CEP128: variants seen among roughly 807,000 people sequenced by gnomAD.
CEP128 encodes the protein centrosomal protein 128kDa.
In CEP128, 132 loss-of-function variants were observed where a neutral mutation model predicts 156.7. That is an observed-to-expected ratio of 0.84 (90% CI 0.73 to 0.97). CEP128 has a LOEUF of 0.97. CEP128 is among the 50% of genes least tolerant of loss of function. The pLI is 0.00. For synonymous variants in CEP128, 469 were observed against 448.9 expected, an observed-to-expected ratio of 1.04 and a Z score of -0.57; for missense variants, 1,252 against 1,281.9, an observed-to-expected ratio of 0.98 and a Z score of 0.36.
intron 19 of CEP128, among the ~76,000 whole-genome samples, chr14:80,727,413 T>A (rs776006648): frequency 6.6e-6 from 1 of 152,048 alleles, no homozygotes; most frequent in Non-Finnish European, 1.5e-5. Flanking sequence ...AGGCCAAATC[T>A]TAATGCAATA....
chr14:80,506,780 G>T (rs570585676), intron 23 of CEP128, among the ~76,000 whole-genome samples: 1 of 152,136 alleles, frequency 6.6e-6, no homozygotes, highest in South Asian at 2.1e-4. Context: ...TATATTTTGA[G>T]CCAAAGGCAC....
chr14:80,752,094 C>G (rs935360336), intron 18 of CEP128, among the ~76,000 whole-genome samples: 12 of 151,852 alleles, frequency 7.9e-5, no homozygotes, highest in Admixed American at 7.9e-4. Context: ...AGAAATGACT[C>G]AAAGCTAAAA....
At chr14:80,955,627 C>T in intron 2 of CEP128, 13 of 1,608,614 alleles carry the variant, frequency 8.1e-6, no homozygotes, top group Non-Finnish European at 1.1e-5. Context: ...AGGTGCAGAG[C>T]TGAGAATGAG....
intron 19 of CEP128, among the ~76,000 whole-genome samples, chr14:80,586,914 T>C (rs187155032): frequency 2.6e-5 from 4 of 152,330 alleles, no homozygotes; most frequent in African/African-American, 2.4e-5. Flanking sequence ...TGAATAAAGG[T>C]ATAACAATAT....
chr14:80,840,645 C>T (rs1886306366), intron 10 of CEP128, 37 bp downstream of exon 10: 2 of 1,365,840 alleles, frequency 1.5e-6, no homozygotes, highest in African/African-American at 1.4e-5. Context: ...GGCCCCAAAC[C>T]ACTTTATTCT....
At chr14:80,718,932 A>C (rs985767818) in intron 19 of CEP128, among the ~76,000 whole-genome samples, 6 of 152,114 alleles carry the variant, frequency 3.9e-5, no homozygotes, top group Non-Finnish European at 7.3e-5. Context: ...CTTCACATGA[A>C]ATATGGTTTC....
intron 19 of CEP128, among the ~76,000 whole-genome samples, chr14:80,660,226 C>T (rs966450912): frequency 1.4e-4 from 21 of 152,136 alleles, no homozygotes; most frequent in African/African-American, 5.1e-4. Context: ...ATTTAAATAA[C>T]AGGACAGAGC....
At chr14:80,620,357 CTAGAACTG>C (rs1270924985) in intron 19 of CEP128, among the ~76,000 whole-genome samples, 1 of 151,992 alleles carries the variant, frequency 6.6e-6, no homozygotes, top group Non-Finnish European at 1.5e-5. Flanking sequence ...AAAAAATCTT[CTAGAACTG>C]TAATCCTAGG....
In CEP128 at chr14:80,900,802, G is replaced by A. The variant is rs576578557; in HGVS notation, c.481-773C>T. On this transcript the variant is annotated intron_variant, in intron 6 of 24. Transcript: ENST00000555265. ...AGTAGTATCCCATAAATAAGATGTAGGTAGTAAAAATTAAAAAAGTAAAAA... is the reference window on the plus strand; with the variant it reads ...AGTAGTATCCCATAAATAAGATGTAAGTAGTAAAAATTAAAAAAGTAAAAA... 3.9e-5 allele frequency among the ~76,000 whole-genome samples: 6 copies of A among 152,128 alleles called. No individual in the cohort carries two copies. In the South Asian group the frequency reaches 1.2e-3, roughly 32 times the overall value.
intron 19 of CEP128, among the ~76,000 whole-genome samples, chr14:80,696,901 G>A (rs1896910899): frequency 6.6e-6 from 1 of 151,850 alleles, no homozygotes; most frequent in Non-Finnish European, 1.5e-5. Context: ...GCTGTGTTGT[G>A]ACAGAACAGA....
rs1332105590 is a variant in CEP128 at position 80,831,294 on chromosome 14, C to T, written c.1058G>A (p.Gly353Glu). Residue 353 changes from glycine to glutamate, a missense_variant and splice_region_variant, in exon 13 of 25, where the codon GGG becomes GAG. Physicochemically the swap from Gly to Glu is moderately conservative, Grantham distance 98 (BLOSUM62 -2). Transcript: ENST00000555265. The part of the protein sequence containing the change: ...EQGEDWRFRR[G>E]VEREKQDLEK... ...CAGGTCCTGTTTTTCCCGCTCAACCCCTTAAAAGATAAAATGTAAGGCTCA... is the reference window on the plus strand; with the variant it reads ...CAGGTCCTGTTTTTCCCGCTCAACCTCTTAAAAGATAAAATGTAAGGCTCA... 1 of 1,613,748 alleles carries T rather than the reference C, an allele frequency of 6.2e-7. No homozygotes were observed. The highest frequency in any genetic ancestry group is 1.1e-5 in the South Asian group (1 of 91,048).
rs962125875 is a variant in CEP128, at chr14:80,822,813, A to G, written c.1209+8330T>C. On this transcript the variant is annotated intron_variant, in intron 13 of 24. Coordinates refer to ENST00000555265, the MANE Select transcript of CEP128 (RefSeq NM_152446.5). ...GCCAAGTGAAGTGTGTGCATTTTTG[A>G]TAACTGTGTAAACTTCTGTTGACTG... The G allele has an allele frequency of 3.1e-4, 233 of 740,744 alleles. 1 individual carries two copies. Among genetic ancestry groups the G allele is most frequent in the Non-Finnish European group, 2.6e-4 (104 of 399,536 alleles). 45.9% of individuals were successfully genotyped at this position (740,744 alleles called of 1,614,324 possible).
chr14:80,509,784 T>C (rs1458663283), intron 23 of CEP128, among the ~76,000 whole-genome samples: 2 of 152,196 alleles, frequency 1.3e-5, no homozygotes, highest in Non-Finnish European at 2.9e-5. Context: ...TTAATCCATT[T>C]TGATTTGAAT....
intron 23 of CEP128, among the ~76,000 whole-genome samples, chr14:80,508,833 A>T (rs955244059): frequency 6.6e-6 from 1 of 152,222 alleles, no homozygotes; most frequent in Non-Finnish European, 1.5e-5. Flanking sequence ...ATTTTGATAC[A>T]GGCATACAGA....
At chr14:80,743,674 A>G (rs1898949566) in intron 18 of CEP128, among the ~76,000 whole-genome samples, 1 of 152,134 alleles carries the variant, frequency 6.6e-6, no homozygotes, top group Non-Finnish European at 1.5e-5. Context: ...AAAAGATAAA[A>G]TTCCTAGCAT....
At chr14:80,659,675 G>A (rs1895317405) in intron 19 of CEP128, among the ~76,000 whole-genome samples, 1 of 152,090 alleles carries the variant, frequency 6.6e-6, no homozygotes. Flanking sequence ...CCTTAACAAT[G>A]CATTTATATT....
chr14:80,631,172 AC>A (rs779165695), intron 19 of CEP128, among the ~76,000 whole-genome samples: 12 of 151,964 alleles, frequency 7.9e-5, no homozygotes, highest in Non-Finnish European at 1.3e-4. Flanking sequence ...CAAATTAGCC[AC>A]CATCTCCATT....
chr14:80,529,061 T>C (rs141663537), intron 22 of CEP128, among the ~76,000 whole-genome samples: 2 of 152,296 alleles, frequency 1.3e-5, no homozygotes, highest in African/African-American at 4.8e-5. Flanking sequence ...CTCTGCTGTT[T>C]TACACAGAAT....
intron 20 of CEP128, among the ~76,000 whole-genome samples, chr14:80,562,365 A>C (rs1451947287): frequency 1.3e-5 from 2 of 152,112 alleles, no homozygotes; most frequent in Non-Finnish European, 2.9e-5. Flanking sequence ...TCAATATGCC[A>C]ATCAACAATA....
Sources: allele counts gnomAD v4.1 joint callset (sites outside exome capture counted in the v4.1 genomes callset), GRCh38; gene constraint gnomAD v4.1.1; transcripts MANE v1.5; gene names NCBI Gene and HGNC (gene_info 2026-07-23, HGNC 2026-07-21).